PI4KA: variants seen among roughly 807,000 people sequenced by gnomAD.
The protein encoded by PI4KA is PI4-kinase alpha.
Under a neutral mutation model 271.4 loss-of-function variants are expected in PI4KA, and 122 were observed. The ratio of observed to expected loss-of-function variants is 0.45; its 90% confidence interval spans 0.39 to 0.52. The LOEUF (loss-of-function observed/expected upper bound fraction) is 0.52, where lower values mean the gene tolerates loss of function less well. PI4KA is among the 20% of genes least tolerant of loss of function. PI4KA has a pLI of 0.00. For synonymous variants in PI4KA, 1,041 were observed against 1,078.8 expected, an observed-to-expected ratio of 0.96 and a Z score of 0.69; for missense variants, 1,969 against 2,769.1, an observed-to-expected ratio of 0.71 and a Z score of 6.48.
At chr22:20,801,777 G>A (rs1274934088) in intron 14 of PI4KA, among the ~76,000 whole-genome samples, 196 bp downstream of exon 14, 4 of 149,512 alleles carry the variant, frequency 2.7e-5, no homozygotes, top group East Asian at 4.0e-4. Flanking sequence ...CCAGCTACTC[G>A]GGGGAGGCTG....
At chr22:20,823,203 C>G (rs946699544) in intron 4 of PI4KA, among the ~76,000 whole-genome samples, 1 of 152,122 alleles carries the variant, frequency 6.6e-6, no homozygotes, top group African/African-American at 2.4e-5. Context: ...CCTGAGCCAC[C>G]GCACCCAGCC....
chr22:20,833,411 G>A (rs1924441447), intron 3 of PI4KA, among the ~76,000 whole-genome samples: 1 of 152,188 alleles, frequency 6.6e-6, no homozygotes, highest in Non-Finnish European at 1.5e-5. Context: ...GAGGCAGGGT[G>A]CTAGGAGGCC....
Position 20,770,508 on chromosome 22 carries a change from C to T in PI4KA, c.2329-4815G>A, listed in dbSNP as rs781698664. Among the ~76,000 whole-genome samples the T allele has an allele frequency of 1.0e-3, 107 of 101,938 alleles. 1 individual carries two copies. The highest frequency in any genetic ancestry group is 9.1e-3 in the East Asian group (30 of 3,280). The allele number at this position is 101,938 out of a possible 152,430, so 66.9% of individuals were successfully genotyped here. ...AGCCTGGGCAACAGAGCAAAAACTC[C>T]GTCTCAAAAAAAAAAAAAAAAAAAG... On this transcript the variant is annotated intron_variant, in intron 19 of 54. Coordinates refer to ENST00000255882, the MANE Select transcript of PI4KA (RefSeq NM_058004.4).
chr22:20,782,603 G>T (rs1225427097), intron 19 of PI4KA, among the ~76,000 whole-genome samples: 1 of 152,200 alleles, frequency 6.6e-6, no homozygotes, highest in Non-Finnish European at 1.5e-5. Context: ...AATCCCAAGA[G>T]ACATGGGACA....
At chr22:20,808,612 C>A (rs1383655824) in intron 9 of PI4KA, among the ~76,000 whole-genome samples, 1 of 149,516 alleles carries the variant, frequency 6.7e-6, no homozygotes, top group Non-Finnish European at 1.5e-5. Context: ...AAAAAGATAA[C>A]AGTCCTTAAC....
chr22:20,754,274 AC>A (rs1427594120), intron 23 of PI4KA, among the ~76,000 whole-genome samples: 11 of 151,718 alleles, frequency 7.3e-5, no homozygotes, highest in African/African-American at 2.7e-4. Context: ...TTTTGTAGAG[AC>A]TGGGAGTCTC....
chr22:20,718,821 A>C lies in PI4KA; in HGVS notation c.5118T>G (p.Pro1706=). 6.2e-7 allele frequency: 1 copy of C among 1,613,812 alleles called. No individual in the cohort carries two copies. The highest frequency in any genetic ancestry group is 1.7e-5 in the Admixed American group (1 of 59,996). The change falls in exon 44 of 55, where the codon CCT becomes CCG. Residue 1706 remains proline (P), a splice_region_variant and synonymous_variant. Transcript: ENST00000255882. ...YLDEEGHQKD[P]DIGDLLDQLV... ...ACTGATCCAGGAGGTCGCCGATGTC[A>C]GCTGCCAAGGAAGCAAAGAGGCTTA...
intron 15 of PI4KA, 37 bp downstream of exon 15, chr22:20,799,634 A>C: frequency 6.9e-7 from 1 of 1,440,048 alleles, no homozygotes; most frequent in Non-Finnish European, 9.6e-7. Context: ...TGCTGAGAAC[A>C]ATGGGCTGCC....
intron 12 of PI4KA, 38 bp downstream of exon 12, chr22:20,804,262 G>T: frequency 2.2e-6 from 3 of 1,367,014 alleles, no homozygotes; most frequent in South Asian, 1.2e-5. Context: ...AGGCCCTACA[G>T]GTGGGATCTG....
At chr22:20,800,494 T>C (rs1053755759) in intron 14 of PI4KA, among the ~76,000 whole-genome samples, 1 of 152,132 alleles carries the variant, frequency 6.6e-6, no homozygotes, top group African/African-American at 2.4e-5. Flanking sequence ...AATATGATGA[T>C]ACGTTACTCT....
chr22:20,752,479 A>G (rs185170132), intron 25 of PI4KA, among the ~76,000 whole-genome samples: 2 of 152,340 alleles, frequency 1.3e-5, no homozygotes, highest in East Asian at 1.9e-4. Context: ...ACATGTCCCA[A>G]CAGGGTCTGT....
rs377404512 is a variant in PI4KA, at chr22:20,798,627, C to T, written c.2065G>A (p.Val689Ile). 4.4e-5 allele frequency: 71 copies of T among 1,613,678 alleles called. No individual in the cohort carries two copies. In the African/African-American group the frequency reaches 4.9e-4, roughly 11 times the overall value. Reference protein sequence around the residue: ...FQQISVKASSVVYSATKDYKD... With the variant: ...FQQISVKASSIVYSATKDYKD... The stretch of plus-strand genomic sequence containing the variant: ...TAATCTTTGGTGGCTGAGTATACAA[C>T]GGAGCTGGCCTTCACACTGATCTGC... Residue 689 changes from valine to isoleucine, a missense_variant, in exon 17 of 55, where the codon GTT becomes ATT. Physicochemically the swap from Val to Ile is conservative, Grantham distance 29. Transcript: ENST00000255882.
intron 43 of PI4KA, 134 bp downstream of exon 43, chr22:20,721,164 C>G: frequency 1.1e-6 from 1 of 872,218 alleles, no homozygotes. Flanking sequence ...GAGAAGTGCC[C>G]CAGCAAAGGG....
chr22:20,799,530 T>A (rs1935174112), intron 15 of PI4KA, 141 bp downstream of exon 15: 2 of 741,538 alleles, frequency 2.7e-6, no homozygotes, highest in African/African-American at 3.6e-5. Flanking sequence ...TCACCTTAAA[T>A]CTTGTGACAA....
chr22:20,745,848 G>A (rs1366379412), intron 29 of PI4KA, among the ~76,000 whole-genome samples: 1 of 151,832 alleles, frequency 6.6e-6, no homozygotes, highest in Non-Finnish European at 1.5e-5. Context: ...AGCACCTGGT[G>A]GGCAGTGCAG....
At chr22:20,753,929 G>A (rs1347396221) in intron 23 of PI4KA, among the ~76,000 whole-genome samples, 7 of 152,144 alleles carry the variant, frequency 4.6e-5, no homozygotes, top group Non-Finnish European at 7.4e-5. Flanking sequence ...ATCGTGATCC[G>A]CCCGCCTCGG....
At chr22:20,726,422 C>A in intron 42 of PI4KA, 66 bp downstream of exon 42, 3 of 1,381,520 alleles carry the variant, frequency 2.2e-6, no homozygotes, top group East Asian at 3.0e-5. Flanking sequence ...GGGGACAGAC[C>A]GGGCACAAGC....
At position 20,825,069 on chromosome 22, in the gene PI4KA, C is replaced by CAAAAAAAAAAA. The variant is rs362248; in HGVS notation, c.368-666_368-656dup. Reference sequence around the variant, plus strand: ...TGGGTGACAGAATGAGACGCCATCTCAAAAAAAAAAAAAAAAATCAATTTT... The same window carrying CAAAAAAAAAAA: ...TGGGTGACAGAATGAGACGCCATCTCAAAAAAAAAAAAAAAAAAAAAAAAAAAATCAATTTT... On this transcript the variant is annotated intron_variant, in intron 3 of 54. Coordinates refer to ENST00000255882, the MANE Select transcript of PI4KA (RefSeq NM_058004.4). Among the ~76,000 whole-genome samples the CAAAAAAAAAAA allele has an allele frequency of 3.1e-4, 24 of 76,602 alleles. 1 individual carries two copies. Among genetic ancestry groups the CAAAAAAAAAAA allele is most frequent in the East Asian group, 8.1e-4 (2 of 2,468 alleles). 50.3% of individuals were successfully genotyped at this position (76,602 alleles called of 152,430 possible).
chr22:20,832,337 G>T (rs1182700339), intron 3 of PI4KA, among the ~76,000 whole-genome samples: 1 of 152,062 alleles, frequency 6.6e-6, no homozygotes, highest in African/African-American at 2.4e-5. Flanking sequence ...GGCTGGTCTT[G>T]AACTCCTGAC....
Sources: gnomAD v4.1 joint callset for allele counts (sites outside exome capture counted in the v4.1 genomes callset) on GRCh38, gnomAD v4.1.1 for gene constraint, MANE v1.5 for transcripts, NCBI Gene and HGNC (gene_info 2026-07-23, HGNC 2026-07-21) for gene names.